The following RHPN1 variants were observed in gnomAD, a reference collection of about 807,000 sequenced individuals.
RHPN1 encodes the protein rhophilin Rho GTPase binding protein 1, also known as rhophilin-1.
A neutral mutation model predicts 74.7 loss-of-function variants in RHPN1; 77 were observed. The ratio of observed to expected loss-of-function variants is 1.03; its 90% CI spans 0.86 to 1.25. RHPN1 has a LOEUF of 1.25. Among genes scored for constraint, RHPN1 ranks in the 50% most tolerant of loss-of-function variants. RHPN1 has a pLI of 0.00. For missense variants in RHPN1, 987 were observed against 932.2 expected, an observed-to-expected ratio of 1.06 and a Z score of -0.77; for synonymous variants, 444 against 414.5, an observed-to-expected ratio of 1.07 and a Z score of -0.87.
intron 1 of RHPN1, 108 bp downstream of exon 1, chr8:143,369,155 C>T (rs1817665745): frequency 1.2e-5 from 10 of 822,618 alleles, no homozygotes; most frequent in Non-Finnish European, 1.7e-5. Flanking sequence ...CTCATTCGGC[C>T]CGGACGCAGG....
At chr8:143,376,747 G>A (rs1563793456) in intron 3 of RHPN1, 94 bp downstream of exon 3, 1 of 1,403,796 alleles carries the variant, frequency 7.1e-7, no homozygotes, top group East Asian at 2.5e-5. Context: ...GTCTCTGTGT[G>A]TATATGTGTG....
chr8:143,377,663 G>T (rs1285355811), intron 4 of RHPN1, among the ~76,000 whole-genome samples: 1 of 152,142 alleles, frequency 6.6e-6, no homozygotes, highest in East Asian at 1.9e-4. Context: ...TGGTGCCTGC[G>T]CCCCAGGCCG....
In RHPN1 at chr8:143,373,512, C is replaced by T. The variant is rs942785453; in HGVS notation, c.61-2041C>T. On this transcript the variant is annotated intron_variant, in intron 1 of 14. Coordinates refer to ENST00000289013, the MANE Select transcript of RHPN1 (RefSeq NM_052924.3). The stretch of plus-strand genomic sequence containing the variant: ...ATGGCGCGGGTTCCAGGGGACGGGG[C>T]GGGGGCTTGGGGGATGGTGTGGGTT... Among the ~76,000 whole-genome samples the T allele has an allele frequency of 4.2e-4, 7 of 16,586 alleles. No individual in the cohort carries two copies. In the African/African-American group the frequency reaches 4.6e-3, roughly 11 times the overall value. 10.9% of individuals were successfully genotyped at this position (16,586 alleles called of 152,430 possible).
intron 7 of RHPN1, 89 bp downstream of exon 7, chr8:143,379,167 A>G: frequency 7.9e-6 from 11 of 1,400,976 alleles, no homozygotes; most frequent in Non-Finnish European, 1.0e-5. Context: ...GGGAGTGGTT[A>G]GGACATCAGT....
At position 143,380,678 on chromosome 8, in the gene RHPN1, C is replaced by G; in HGVS notation, c.1306C>G (p.Leu436Val). The change falls in exon 11 of 15, where the codon CTT becomes GTT. Residue 436 changes from leucine (L) to valine (V), a missense_variant. Coordinates refer to ENST00000289013, the MANE Select transcript of RHPN1 (RefSeq NM_052924.3). ...CCGCGTCCTGCGCGAGGTGGACCTGCTTCGGGCTGTGATCTCCCAGACGCT... is the reference window on the plus strand; with the variant it reads ...CCGCGTCCTGCGCGAGGTGGACCTGGTTCGGGCTGTGATCTCCCAGACGCT... ...LCRVLREVDL[L>V]RAVISQTLQR... 6.3e-7 allele frequency: 1 copy of G among 1,579,322 alleles called. No homozygotes were observed. Among genetic ancestry groups the G allele is most frequent in the Non-Finnish European group, 8.6e-7 (1 of 1,163,282 alleles).
At chr8:143,370,921 G>A (rs1817779704) in intron 1 of RHPN1, among the ~76,000 whole-genome samples, 1 of 152,216 alleles carries the variant, frequency 6.6e-6, no homozygotes, top group Non-Finnish European at 1.5e-5. Context: ...GAGCGTTGGA[G>A]CAGCAGGTGG....
At chr8:143,377,253 C>G (rs1818343164) in intron 3 of RHPN1, 127 bp from the exon 4 acceptor site, 2 of 677,310 alleles carry the variant, frequency 3.0e-6, no homozygotes, top group Admixed American at 5.3e-5. Flanking sequence ...CCCCAGGACA[C>G]AGGCGCACGT....
Position 143,381,611 on chromosome 8 carries a change from C to T in RHPN1, c.1528C>T (p.Leu510=), listed in dbSNP as rs759406335. Residue 510 remains leucine, a synonymous_variant, in exon 13 of 15, where the codon CTG becomes TTG. Transcript: ENST00000289013. ...GTTCTCAGCCAAGAACCGGTGGCGG[C>T]TGGTGGGGCCCGTCCACCTGACCCG... ...SVFSAKNRWR[L]VGPVHLTRGE... The T allele has an allele frequency of 3.2e-5, 52 of 1,610,040 alleles. No homozygotes were observed. Among genetic ancestry groups the T allele is most frequent in the Non-Finnish European group, 4.2e-5 (50 of 1,179,242 alleles).
In RHPN1 at chr8:143,380,488, C is replaced by T. The variant is rs1818638765; in HGVS notation, c.1217-101C>T. On this transcript the variant is annotated intron_variant, in intron 10 of 14. Coordinates refer to ENST00000289013, the MANE Select transcript of RHPN1 (RefSeq NM_052924.3). The stretch of plus-strand genomic sequence containing the variant: ...TGGCGCGCACCCCCAACGAAAGTGG[C>T]TGTGATGAGCCCCACAGCCCTGGCG... The T allele has an allele frequency of 1.5e-5, 17 of 1,150,854 alleles. No individual in the cohort carries two copies. In the South Asian group the frequency reaches 2.6e-4, roughly 18 times the overall value. 71.3% of individuals were successfully genotyped at this position (1,150,854 alleles called of 1,614,324 possible). A position where few individuals can be genotyped will look rare whatever the true frequency, so the allele number is the denominator to read the frequency against.
chr8:143,382,851 C>G lies in RHPN1; in HGVS notation c.*200C>G, dbSNP rs1818836457. 1.7e-6 allele frequency: 1 copy of G among 591,558 alleles called. No homozygotes were observed. The highest frequency in any genetic ancestry group is 3.0e-6 in the Non-Finnish European group (1 of 332,494). The allele number at this position is 591,558 out of a possible 1,614,324, so 36.6% of individuals were successfully genotyped here. On this transcript the variant is annotated 3_prime_UTR_variant, in exon 15 of 15. Transcript: ENST00000289013. Reference sequence around the variant, plus strand: ...GAGCTGTGGCCTCTTCACCCACACACAGAAGGATGCCAGTCCCTCTGTCGG... The same window carrying G: ...GAGCTGTGGCCTCTTCACCCACACAGAGAAGGATGCCAGTCCCTCTGTCGG...
chr8:143,368,780 G>T, upstream of RHPN1: 1 of 331,748 alleles, frequency 3.0e-6, no homozygotes, highest in African/African-American at 2.2e-5. Context: ...GCCGCCTATT[G>T]GGCAATGGCC....
In RHPN1 at chr8:143,376,764, C is replaced by CTGTG. The variant is rs373671345; in HGVS notation, c.305+118_305+121dup. The CTGTG allele has an allele frequency of 4.9e-3, 6,130 of 1,256,836 alleles. 22 individuals are homozygous for CTGTG. Among genetic ancestry groups the CTGTG allele is most frequent in the Middle Eastern group, 7.2e-3 (27 of 3,764 alleles). The allele number at this position is 1,256,836 out of a possible 1,614,324, so 77.9% of individuals were successfully genotyped here. ...CTCTGTGTGTATATGTGTGCATTGT[C>CTGTG]TGTGTGTGTGCGTGTGTGCATGTGT... On this transcript the variant is annotated intron_variant, in intron 3 of 14. Transcript: ENST00000289013.
At chr8:143,369,107 C>T in intron 1 of RHPN1, 60 bp downstream of exon 1, 3 of 1,330,274 alleles carry the variant, frequency 2.3e-6, no homozygotes, top group Non-Finnish European at 2.9e-6. Flanking sequence ...TTTTCCTGCC[C>T]CCCCTCGAGG....
At chr8:143,366,777 T>TA (rs1306497319), upstream of RHPN1, 13 of 152,062 alleles carry the variant, frequency 8.5e-5, no homozygotes, top group African/African-American at 3.1e-4. Flanking sequence ...GCAAAACAAA[T>TA]ACGTAAGAAC....
At position 143,379,549 on chromosome 8, in the gene RHPN1, C is replaced by T. The variant is rs572457785; in HGVS notation, c.945+41C>T. 141 of 1,508,624 alleles carry T rather than the reference C, an allele frequency of 9.3e-5. 1 individual carries two copies. In the South Asian group the frequency reaches 1.6e-3, roughly 17 times the overall value. 93.5% of individuals were successfully genotyped at this position (1,508,624 alleles called of 1,614,324 possible). A position where few individuals can be genotyped will look rare whatever the true frequency, so the allele number is the denominator to read the frequency against. On this transcript the variant is annotated intron_variant, in intron 8 of 14. Coordinates refer to ENST00000289013, the MANE Select transcript of RHPN1 (RefSeq NM_052924.3). The stretch of plus-strand genomic sequence containing the variant: ...CGTGTCAGGATGCAGGGGGTGGGGC[C>T]GAGCTGGGGTCAGAGCCCAGGTCCA...
chr8:143,381,098 G>A (rs1818692183), intron 11 of RHPN1, among the ~76,000 whole-genome samples, 170 bp from the exon 12 acceptor site: 1 of 152,164 alleles, frequency 6.6e-6, no homozygotes, highest in African/African-American at 2.4e-5. Flanking sequence ...AGAGGGGGCC[G>A]TGTGTTCAGG....
chr8:143,367,385 AT>A (rs1264545053), upstream of RHPN1: 3 of 152,388 alleles, frequency 2.0e-5, no homozygotes, highest in African/African-American at 7.2e-5. Flanking sequence ...AGTCCCAGCT[AT>A]TCAGGAGGCT....
rs376102578 is a variant in RHPN1 at position 143,382,446 on chromosome 8, G to C, written c.1808G>C (p.Arg603Pro). 6.4e-7 allele frequency: 1 copy of C among 1,568,340 alleles called. No individual in the cohort carries two copies. Among genetic ancestry groups the C allele is most frequent in the African/African-American group, 1.4e-5 (1 of 73,838 alleles). Reference sequence around the variant, plus strand: ...CTGTCCCTGCTGCAGGGGGACCGCCGGCCCGTCCTGCTGGGCCCCAGGGGG... The same window carrying C: ...CTGTCCCTGCTGCAGGGGGACCGCCCGCCCGTCCTGCTGGGCCCCAGGGGG... ...SSRLPSLGDR[R>P]PVLLGPRGLL... Residue 603 changes from arginine to proline, a missense_variant, in exon 15 of 15, where the codon CGG becomes CCG. Arg to Pro is a moderately radical substitution (Grantham distance 103). Coordinates refer to ENST00000289013, the MANE Select transcript of RHPN1 (RefSeq NM_052924.3).
intron 10 of RHPN1, 89 bp from the exon 11 acceptor site, chr8:143,380,500 C>A: frequency 8.0e-7 from 1 of 1,248,666 alleles, no homozygotes; most frequent in East Asian, 2.6e-5. Flanking sequence ...GTGATGAGCC[C>A]CACAGCCCTG....
Sources: gnomAD v4.1 joint callset for allele counts (sites outside exome capture counted in the v4.1 genomes callset) on GRCh38, gnomAD v4.1.1 for gene constraint, MANE v1.5 for transcripts, NCBI Gene and HGNC (gene_info 2026-07-23, HGNC 2026-07-21) for gene names.